Variants in TPD52 observed in about 807,000 individuals in gnomAD.
TPD52 encodes the protein prostate and colon associated protein.
In TPD52, 17 loss-of-function variants were observed where a neutral mutation model predicts 31.3. The observed-to-expected ratio is 0.54, with a 90% CI of 0.37 to 0.82. The LOEUF is 0.82. Ranked by LOEUF, TPD52 falls within the 40% of genes least tolerant of loss-of-function variation. The pLI is 0.00. For synonymous variants in TPD52, 83 were observed against 89.6 expected (o/e 0.93, Z 0.42); for missense variants, 212 against 240.1 (o/e 0.88, Z 0.77).
intron 1 of TPD52, among the ~76,000 whole-genome samples, chr8:80,117,113 C>T (rs936202241): frequency 5.3e-5 from 8 of 152,152 alleles, no homozygotes; most frequent in African/African-American, 1.9e-4. Context: ...GTTCTTATCA[C>T]TTCTATTTAA....
chr8:80,150,737 G>A (rs543590061), intron 1 of TPD52, among the ~76,000 whole-genome samples: 2 of 152,232 alleles, frequency 1.3e-5, no homozygotes, highest in African/African-American at 2.4e-5. Context: ...TCTCCCATTT[G>A]GAATGGCTGT....
intron 1 of TPD52, among the ~76,000 whole-genome samples, chr8:80,166,336 G>A (rs1469981699): frequency 6.6e-6 from 1 of 151,920 alleles, no homozygotes; most frequent in East Asian, 2.0e-4. Context: ...AGGTTGAAGC[G>A]ATTCTCCCGC....
At chr8:80,052,748 C>T (rs910786340) in intron 3 of TPD52, 75 of 1,131,226 alleles carry the variant, frequency 6.6e-5, no homozygotes, top group Non-Finnish European at 8.4e-5. Flanking sequence ...GACAAAAAGC[C>T]TAAGGGATTG....
intron 1 of TPD52, chr8:80,171,074 A>AG (rs1812051682): frequency 1.0e-5 from 6 of 577,746 alleles, no homozygotes; most frequent in Non-Finnish European, 3.2e-6. Context: ...AGTCACTTAC[A>AG]GGAGCTGGCT....
chr8:80,143,017 C>T lies in TPD52; in HGVS notation c.19+28408G>A, dbSNP rs78843913. 4.4e-3 allele frequency among the ~76,000 whole-genome samples: 677 copies of T among 152,248 alleles called. 8 individuals are homozygous for T. Among genetic ancestry groups the T allele is most frequent in the Admixed American group, 0.031 (477 of 15,292 alleles). On this transcript the variant is annotated intron_variant, in intron 1 of 7. Transcript: ENST00000518937. ...TGCCATGTCTTAAGTATCTGGTGAC[C>T]ATGGTCACAAAGCATGAACTTGGGA...
chr8:80,160,190 CA>C (rs5892713), intron 1 of TPD52, among the ~76,000 whole-genome samples: 6 of 148,404 alleles, frequency 4.0e-5, no homozygotes, highest in Non-Finnish European at 6.0e-5. Context: ...GACCCCATCT[CA>C]AAAAAAAAAA....
chr8:80,055,004 A>G (rs1811728118), intron 2 of TPD52, among the ~76,000 whole-genome samples: 1 of 152,242 alleles, frequency 6.6e-6, no homozygotes, highest in African/African-American at 2.4e-5. Context: ...CAAATAATGT[A>G]GGAACCAGAA....
chr8:80,096,800 G>C lies in TPD52; in HGVS notation c.20-32207C>G, dbSNP rs573151419. On this transcript the variant is annotated intron_variant, in intron 1 of 7. Coordinates refer to ENST00000518937, the MANE Select transcript of TPD52 (RefSeq NM_001025253.3). ...CTCTCATCTCTCTCCCTCTCCTCAG[G>C]CCTCCCTATTTGATGAGACACAACA... Among the ~76,000 whole-genome samples, 123 of 151,998 alleles carry C rather than the reference G, an allele frequency of 8.1e-4. 1 individual carries two copies. Among genetic ancestry groups the C allele is most frequent in the Non-Finnish European group, 1.5e-3 (99 of 68,008 alleles).
intron 6 of TPD52, among the ~76,000 whole-genome samples, chr8:80,043,378 T>A (rs1286913021): frequency 6.6e-6 from 1 of 152,088 alleles, no homozygotes; most frequent in African/African-American, 2.4e-5. Context: ...AATGCTGTTA[T>A]CCTATCCAAC....
chr8:80,157,800 T>C (rs1278984993), intron 1 of TPD52, among the ~76,000 whole-genome samples: 1 of 152,256 alleles, frequency 6.6e-6, no homozygotes, highest in African/African-American at 2.4e-5. Context: ...AATATGTTCT[T>C]ATTCTCTGCA....
intron 2 of TPD52, among the ~76,000 whole-genome samples, chr8:80,057,510 C>T (rs147211918): frequency 9.2e-5 from 14 of 152,302 alleles, no homozygotes; most frequent in African/African-American, 2.9e-4. Flanking sequence ...AAATCATGTC[C>T]TTTGCTGCAA....
intron 1 of TPD52, among the ~76,000 whole-genome samples, chr8:80,165,517 T>G (rs779648343): frequency 1.6e-4 from 25 of 152,294 alleles, no homozygotes; most frequent in Middle Eastern, 3.4e-3. Context: ...CAGCAGGTGT[T>G]AAGAAGGGCA....
At chr8:80,137,850 A>C (rs1401297136) in intron 1 of TPD52, among the ~76,000 whole-genome samples, 1 of 152,120 alleles carries the variant, frequency 6.6e-6, no homozygotes, top group African/African-American at 2.4e-5. Flanking sequence ...AGGCGGGAGG[A>C]TCACTTGAGC....
intron 7 of TPD52, among the ~76,000 whole-genome samples, chr8:80,041,653 CTCAT>C (rs1310281836): frequency 2.0e-5 from 3 of 152,076 alleles, no homozygotes; most frequent in African/African-American, 7.2e-5. Context: ...ATCAATAAAG[CTCAT>C]TATTATGGGG....
At chr8:80,171,389 A>G in intron 1 of TPD52, 36 bp downstream of exon 1, 1 of 1,588,750 alleles carries the variant, frequency 6.3e-7, no homozygotes, top group Middle Eastern at 1.7e-4. Context: ...CCCGAGTCCA[A>G]GCCCGAGCCC....
chr8:80,063,977 GGGGA>G (rs1264047784), intron 2 of TPD52, among the ~76,000 whole-genome samples: 5 of 138,570 alleles, frequency 3.6e-5, no homozygotes, highest in South Asian at 2.6e-4. Flanking sequence ...GGAAGAAGGA[GGGGA>G]GGGAGGGAGG....
At chr8:80,171,380 C>G in intron 1 of TPD52, 45 bp downstream of exon 1, 1 of 1,584,058 alleles carries the variant, frequency 6.3e-7, no homozygotes, top group Non-Finnish European at 8.5e-7. Context: ...GAGTCCAAGC[C>G]CGAGTCCAAG....
intron 1 of TPD52, among the ~76,000 whole-genome samples, chr8:80,136,177 G>T: frequency 1.6e-5 from 1 of 62,940 alleles, no homozygotes; most frequent in Non-Finnish European, 3.6e-5. Context: ...CAGTCTTTGA[G>T]GTTAAAAAAA....
chr8:80,164,417 G>A (rs1811576447), intron 1 of TPD52, among the ~76,000 whole-genome samples: 1 of 152,176 alleles, frequency 6.6e-6, no homozygotes. Context: ...AGGCAGTTGG[G>A]TGGCCAATTG....
Sources: allele counts gnomAD v4.1 joint callset (sites outside exome capture counted in the v4.1 genomes callset), GRCh38; gene constraint gnomAD v4.1.1; transcripts MANE v1.5; gene names NCBI Gene and HGNC (gene_info 2026-07-23, HGNC 2026-07-21).